Variants in PRDM6 observed in about 807,000 individuals in gnomAD.
The protein encoded by PRDM6 is putative histone-lysine N-methyltransferase PRDM6.
Under a neutral mutation model 60.8 loss-of-function variants are expected in PRDM6, and 25 were observed. That is an observed-to-expected ratio of 0.41 (90% CI 0.30 to 0.57). The LOEUF is 0.57. Ranked by LOEUF, PRDM6 falls within the 20% of genes least tolerant of loss-of-function variation. The pLI is 0.27. For synonymous variants in PRDM6, 407 were observed against 357.4 expected (o/e 1.14, Z -1.57); for missense variants, 839 against 821.3 (o/e 1.02, Z -0.26).
chr5:123,093,140 C>T (rs764702170), intron 2 of PRDM6, among the ~76,000 whole-genome samples: 24 of 152,206 alleles, frequency 1.6e-4, no homozygotes, highest in Non-Finnish European at 2.8e-4. Flanking sequence ...AGTTTTTTTA[C>T]CATCTCCCTC....
At chr5:123,157,561 C>T (rs931844027) in intron 4 of PRDM6, among the ~76,000 whole-genome samples, 1 of 152,150 alleles carries the variant, frequency 6.6e-6, no homozygotes, top group African/African-American at 2.4e-5. Flanking sequence ...ACTATGAGCT[C>T]TCTCTGCCGA....
At chr5:123,092,017 G>A (rs1763852266) in intron 2 of PRDM6, among the ~76,000 whole-genome samples, 1 of 152,122 alleles carries the variant, frequency 6.6e-6, no homozygotes, top group African/African-American at 2.4e-5. Context: ...AGCTGTGATG[G>A]AGATAATAAT....
At chr5:123,110,516 G>A (rs1199082868) in intron 3 of PRDM6, among the ~76,000 whole-genome samples, 1 of 148,498 alleles carries the variant, frequency 6.7e-6, no homozygotes, top group Non-Finnish European at 1.5e-5. Flanking sequence ...GCCTCCCAAA[G>A]TGTGGGATTA....
In PRDM6 at chr5:123,159,502, T is replaced by C. The variant is rs1313263817; in HGVS notation, c.1029-12T>C. 2.6e-6 allele frequency: 4 copies of C among 1,549,304 alleles called. No individual in the cohort carries two copies. The highest frequency in any genetic ancestry group is 3.5e-6 in the Non-Finnish European group (4 of 1,146,112). On this transcript the variant is annotated splice_polypyrimidine_tract_variant and intron_variant, in intron 4 of 7. Transcript: ENST00000407847. ...TGTATTACTAAGCTGGGTTTTCTTT[T>C]GTTTTGAATAGGTCGAATATATTCT...
chr5:123,120,689 A>G (rs1764560959), intron 3 of PRDM6, among the ~76,000 whole-genome samples: 1 of 152,228 alleles, frequency 6.6e-6, no homozygotes, highest in Non-Finnish European at 1.5e-5. Flanking sequence ...TTAAATTATT[A>G]TCTAAACATG....
At position 123,149,790 on chromosome 5, in the gene PRDM6, C is replaced by A. The variant is rs149684527; in HGVS notation, c.901-6094C>A. ...CTATTAACACGTCAACTGTTTTACT[C>A]CTGTATTCCCTTGATGTCATTCCAA... On this transcript the variant is annotated intron_variant, in intron 3 of 7. Coordinates refer to ENST00000407847, the MANE Select transcript of PRDM6 (RefSeq NM_001136239.4). 3.9e-5 allele frequency among the ~76,000 whole-genome samples: 6 copies of A among 152,290 alleles called. No homozygotes were observed. The South Asian group carries it at 1.2e-3, about 32-fold the overall frequency.
intron 6 of PRDM6, among the ~76,000 whole-genome samples, chr5:123,173,885 G>T (rs1765950397): frequency 6.6e-6 from 1 of 152,140 alleles, no homozygotes; most frequent in African/African-American, 2.4e-5. Context: ...GGAGATAAGA[G>T]ATACTCTCCG....
At chr5:123,184,404 T>C (rs187006379) in intron 7 of PRDM6, among the ~76,000 whole-genome samples, 1 of 152,252 alleles carries the variant, frequency 6.6e-6, no homozygotes, top group East Asian at 1.9e-4. Context: ...TTAGTAGACT[T>C]TCCACTTCAT....
chr5:123,093,670 C>T (rs1763893367), intron 2 of PRDM6, among the ~76,000 whole-genome samples: 1 of 152,112 alleles, frequency 6.6e-6, no homozygotes, highest in Admixed American at 6.5e-5. Context: ...TATTACTGCC[C>T]TCATTTGCTG....
chr5:123,128,315 C>A, intron 3 of PRDM6, among the ~76,000 whole-genome samples: 1 of 152,202 alleles, frequency 6.6e-6, no homozygotes, highest in East Asian at 1.9e-4. Context: ...AATGGTATTT[C>A]TAGTTCCAGA....
At position 123,099,274 on chromosome 5, in the gene PRDM6, C is replaced by T. The variant is rs571630059; in HGVS notation, c.593-380C>T. ...CGAGAGGGTCAGAAGGAACGAGAGA[C>T]AGTAGGGAAGAGAGAGAGAGAGACA... is the stretch of plus-strand genomic sequence containing the variant. On this transcript the variant is annotated intron_variant, in intron 2 of 7. Transcript: ENST00000407847. This position sits in a 1 kb window ranked among gnomAD's most constrained non-coding sequence, Gnocchi z 4.0. Among the ~76,000 whole-genome samples the T allele has an allele frequency of 6.6e-6, 1 of 151,978 alleles. No individual in the cohort carries two copies. The highest frequency in any genetic ancestry group is 2.1e-4 in the South Asian group (1 of 4,798).
In PRDM6 at chr5:123,192,625, A is replaced by G. The variant is rs1200739162; in HGVS notation, c.*5424A>G. 8 of 152,176 alleles carry G rather than the reference A, an allele frequency of 5.3e-5. No individual in the cohort carries two copies. The highest frequency in any genetic ancestry group is 1.9e-4 in the African/African-American group (8 of 41,438). 9.4% of individuals were successfully genotyped at this position (152,176 alleles called of 1,614,324 possible). ...TTCCACATTGAAAGAAAAAAAAATA[A>G]CCCTCTCAAGTGTGATATACATTAG... On this transcript the variant is annotated 3_prime_UTR_variant, in exon 8 of 8. Transcript: ENST00000407847.
intron 3 of PRDM6, among the ~76,000 whole-genome samples, chr5:123,134,139 CT>C (rs1764899791): frequency 6.6e-6 from 1 of 152,004 alleles, no homozygotes; most frequent in Non-Finnish European, 1.5e-5. Flanking sequence ...AGTTGTACTT[CT>C]TTTTCTCTCA....
intron 5 of PRDM6, among the ~76,000 whole-genome samples, chr5:123,169,821 C>T (rs575623876): frequency 9.2e-5 from 14 of 152,264 alleles, no homozygotes; most frequent in African/African-American, 2.9e-4. Context: ...GGAATAACTG[C>T]GGCCCAGAGC....
At chr5:123,165,768 A>G (rs1765738491) in intron 5 of PRDM6, among the ~76,000 whole-genome samples, 1 of 152,130 alleles carries the variant, frequency 6.6e-6, no homozygotes. Context: ...TCCCACATGT[A>G]TATGTAGCAC....
At chr5:123,098,424 C>G (rs978572054) in intron 2 of PRDM6, among the ~76,000 whole-genome samples, 1 of 152,264 alleles carries the variant, frequency 6.6e-6, no homozygotes, top group Non-Finnish European at 1.5e-5. Flanking sequence ...GCAGGCCATC[C>G]GCGCTGAGGC....
At chr5:123,179,328 T>C (rs551957607) in intron 6 of PRDM6, among the ~76,000 whole-genome samples, 11 of 152,214 alleles carry the variant, frequency 7.2e-5, no homozygotes, top group Non-Finnish European at 1.6e-4. Flanking sequence ...ATCCTATCAT[T>C]TCTGTGCTGC....
intron 5 of PRDM6, among the ~76,000 whole-genome samples, chr5:123,161,734 G>A (rs1304112843): frequency 6.6e-6 from 1 of 152,222 alleles, no homozygotes; most frequent in Non-Finnish European, 1.5e-5. Context: ...GACCTTGTAG[G>A]GCCCTAGAGG....
chr5:123,181,276 C>T (rs1021333395), intron 7 of PRDM6, among the ~76,000 whole-genome samples: 1 of 152,104 alleles, frequency 6.6e-6, no homozygotes, highest in East Asian at 1.9e-4. Flanking sequence ...AATTAGTAAA[C>T]GTATTATAGG....
Sources: allele counts gnomAD v4.1 joint callset (sites outside exome capture counted in the v4.1 genomes callset), GRCh38; gene constraint gnomAD v4.1.1; non-coding constraint Gnocchi (gnomAD v3.1); transcripts MANE v1.5; gene names NCBI Gene and HGNC (gene_info 2026-07-23, HGNC 2026-07-21).